The following CLEC16A variants were observed in gnomAD, a reference collection of about 807,000 sequenced individuals.
CLEC16A encodes C-type lectin domain containing 16A.
In CLEC16A, 51 loss-of-function variants were observed where a neutral mutation model predicts 109.5. The observed-to-expected ratio is 0.47, with a 90% CI of 0.37 to 0.59. The LOEUF (loss-of-function observed/expected upper bound fraction) is 0.59, where lower values mean the gene tolerates loss of function less well. CLEC16A is among the 20% of genes least tolerant of loss of function. The pLI, the probability that CLEC16A is intolerant of heterozygous loss-of-function variation, is 0.00. For synonymous variants in CLEC16A, 673 were observed against 564.2 expected (o/e 1.19, Z -2.73); for missense variants, 1,339 against 1,394.0 (o/e 0.96, Z 0.63).
intron 19 of CLEC16A, among the ~76,000 whole-genome samples, chr16:11,112,886 A>G (rs1205358253): frequency 1.3e-5 from 2 of 152,086 alleles, no homozygotes; most frequent in Non-Finnish European, 2.9e-5. Context: ...CCTCCCCAGA[A>G]TGGAGGCTTG....
chr16:10,946,883 G>T (rs2041409762), intron 1 of CLEC16A, among the ~76,000 whole-genome samples: 1 of 152,210 alleles, frequency 6.6e-6, no homozygotes, highest in Non-Finnish European at 1.5e-5. Flanking sequence ...GTCAGCAGCT[G>T]AAGGGTACCA....
intron 10 of CLEC16A, among the ~76,000 whole-genome samples, chr16:10,998,991 G>GA (rs1448982002): frequency 2.0e-5 from 3 of 151,852 alleles, no homozygotes; most frequent in African/African-American, 7.3e-5. Context: ...TTAGCTTTAA[G>GA]AAAAAACAAA....
intron 19 of CLEC16A, among the ~76,000 whole-genome samples, chr16:11,096,842 A>C (rs1435283152): frequency 6.6e-6 from 1 of 152,216 alleles, no homozygotes; most frequent in Non-Finnish European, 1.5e-5. Context: ...GCGTTGATGT[A>C]AATGAAATTT....
chr16:10,992,266 C>A (rs539091019), intron 10 of CLEC16A, among the ~76,000 whole-genome samples: 1 of 147,460 alleles, frequency 6.8e-6, no homozygotes, highest in African/African-American at 2.5e-5. Context: ...CTCTCCCCAT[C>A]TTCCCCATCC....
At chr16:11,134,021 A>G (rs563347657) in intron 22 of CLEC16A, among the ~76,000 whole-genome samples, 1 of 152,238 alleles carries the variant, frequency 6.6e-6, no homozygotes, top group African/African-American at 2.4e-5. Context: ...GCTTCCCAAT[A>G]GCCCTCAGAA....
intron 10 of CLEC16A, among the ~76,000 whole-genome samples, chr16:10,992,058 G>T (rs1048228926): frequency 1.9e-4 from 29 of 152,206 alleles, no homozygotes; most frequent in Non-Finnish European, 1.5e-4. Flanking sequence ...CTGACCACTT[G>T]CTGGGTTGCT....
chr16:11,049,478 T>TTTTGTTTGTTTGTTTG (rs59518471), intron 17 of CLEC16A, among the ~76,000 whole-genome samples: 7 of 151,046 alleles, frequency 4.6e-5, no homozygotes, highest in African/African-American at 1.7e-4. Flanking sequence ...TCCCAGGTTT[T>TTTTGTTTGTTTGTTTG]TTTGTTTGTT....
intron 19 of CLEC16A, among the ~76,000 whole-genome samples, chr16:11,067,505 G>A (rs766363168): frequency 3.3e-5 from 5 of 152,138 alleles, no homozygotes; most frequent in Non-Finnish European, 7.4e-5. Flanking sequence ...CGGCAGTGTG[G>A]CCACAGAGTC....
intron 3 of CLEC16A, among the ~76,000 whole-genome samples, chr16:10,964,062 G>C (rs1213599641): frequency 6.6e-6 from 1 of 152,262 alleles, no homozygotes; most frequent in East Asian, 1.9e-4. Context: ...GTCTATATCA[G>C]AGGCAGGCTC....
At chr16:11,026,973 CT>C in intron 13 of CLEC16A, 1 of 1,522,858 alleles carries the variant, frequency 6.6e-7, no homozygotes, top group Non-Finnish European at 9.1e-7. Context: ...CGCGTGCTGT[CT>C]TTCCCATGTG....
At chr16:10,981,785 C>T (rs187904358) in intron 9 of CLEC16A, among the ~76,000 whole-genome samples, 13 of 152,330 alleles carry the variant, frequency 8.5e-5, no homozygotes, top group African/African-American at 3.1e-4. Context: ...ACAGGGTTCT[C>T]GTATGTCCTA....
At chr16:10,952,205 T>C (rs958288039) in intron 1 of CLEC16A, among the ~76,000 whole-genome samples, 1 of 152,192 alleles carries the variant, frequency 6.6e-6, no homozygotes, top group Non-Finnish European at 1.5e-5. Context: ...AAGGTTTTAT[T>C]AAAATGGGCC....
intron 7 of CLEC16A, among the ~76,000 whole-genome samples, chr16:10,976,704 C>A (rs1001527749): frequency 6.6e-6 from 1 of 152,318 alleles, no homozygotes; most frequent in Middle Eastern, 3.4e-3. Context: ...ACCCCCTGGC[C>A]CCCCATCCCC....
intron 19 of CLEC16A, among the ~76,000 whole-genome samples, chr16:11,074,417 G>A (rs2049238849): frequency 6.6e-6 from 1 of 152,212 alleles, no homozygotes; most frequent in African/African-American, 2.4e-5. Context: ...AAATGGGATT[G>A]TAATAGAGCT....
intron 19 of CLEC16A, among the ~76,000 whole-genome samples, chr16:11,083,056 C>T (rs368300526): frequency 5.4e-4 from 82 of 152,354 alleles, no homozygotes; most frequent in African/African-American, 1.9e-3. Flanking sequence ...GACACACAGC[C>T]AGCCAAGGAG....
rs1247400613 is a variant in CLEC16A at position 11,180,313 on chromosome 16, C to T, written c.*1623C>T. The T allele has an allele frequency of 2.0e-5, 3 of 152,392 alleles. No homozygotes were observed. The highest frequency in any genetic ancestry group is 4.4e-5 in the Non-Finnish European group (3 of 68,162). 9.4% of individuals were successfully genotyped at this position (152,392 alleles called of 1,614,324 possible). ...GGACAGGCCTCAGTCCTTAGAAGCC[C>T]TCTGGGTAGCTGTGCCCACCCAGCC... On this transcript the variant is annotated 3_prime_UTR_variant, in exon 24 of 24. Transcript: ENST00000409790.
chr16:10,951,606 G>C (rs1247829827), intron 1 of CLEC16A, among the ~76,000 whole-genome samples: 1 of 152,208 alleles, frequency 6.6e-6, no homozygotes, highest in Non-Finnish European at 1.5e-5. Context: ...CATCCCCAAA[G>C]GGTCGATTGT....
chr16:10,945,065 G>A (rs1256507979), intron 1 of CLEC16A, among the ~76,000 whole-genome samples: 1 of 152,330 alleles, frequency 6.6e-6, no homozygotes, highest in East Asian at 1.9e-4. Context: ...TGCGATTTCA[G>A]TTTATGGACA....
At chr16:11,156,403 A>C (rs1597590676) in intron 22 of CLEC16A, among the ~76,000 whole-genome samples, 2 of 146,440 alleles carry the variant, frequency 1.4e-5, no homozygotes, top group Admixed American at 6.8e-5. Context: ...CTAATCTGCC[A>C]CTCCTTGGCC....
Sources: allele counts gnomAD v4.1 joint callset (sites outside exome capture counted in the v4.1 genomes callset), GRCh38; gene constraint gnomAD v4.1.1; transcripts MANE v1.5; gene names NCBI Gene and HGNC (gene_info 2026-07-23, HGNC 2026-07-21).